PACSIN1: variants seen among roughly 807,000 people sequenced by gnomAD.
PACSIN1 encodes protein kinase C and casein kinase substrate in neurons protein 1.
A neutral mutation model predicts 59.5 loss-of-function variants in PACSIN1; 15 were observed. That is an observed-to-expected ratio of 0.25 (90% CI 0.17 to 0.39). PACSIN1 has a LOEUF of 0.39. PACSIN1 is among the 10% of genes least tolerant of loss of function. The probability of loss-of-function intolerance (pLI) is 1.00; values close to 1 mark genes in which losing one functional copy is unlikely to be tolerated. For synonymous variants in PACSIN1, 210 were observed against 220.6 expected, an observed-to-expected ratio of 0.95 and a Z score of 0.42; for missense variants, 420 against 580.2, an observed-to-expected ratio of 0.72 and a Z score of 2.84.
intron 1 of PACSIN1, among the ~76,000 whole-genome samples, chr6:34,510,168 G>A (rs114332576): frequency 0.034 from 5,141 of 152,342 alleles, 144 homozygotes; most frequent in Non-Finnish European, 0.047. Context: ...AACATTCTTG[G>A]ACGTGCGTTT....
intron 1 of PACSIN1, among the ~76,000 whole-genome samples, chr6:34,502,844 CCA>C (rs1173180059): frequency 7.2e-5 from 11 of 152,276 alleles, no homozygotes; most frequent in African/African-American, 2.6e-4. Flanking sequence ...CCCAGTCAAT[CCA>C]CAGAGTCATC....
chr6:34,524,224 C>CA lies in PACSIN1; in HGVS notation c.-63-2019_-63-2018insA, dbSNP rs1767445974. On this transcript the variant is annotated intron_variant, in intron 1 of 9. Transcript: ENST00000244458. ...CCATTGGGTATTTTGGCCTGACATA[C>CA]CAGGTCTCAGCTGTACTGTCCCTTC... Among the ~76,000 whole-genome samples, 10 of 152,268 alleles carry CA rather than the reference C, an allele frequency of 6.6e-5. No individual in the cohort carries two copies. In the South Asian group the frequency reaches 1.0e-3, roughly 16 times the overall value.
At chr6:34,483,001 CTT>C (rs34111587) in intron 1 of PACSIN1, among the ~76,000 whole-genome samples, 17 of 111,992 alleles carry the variant, frequency 1.5e-4, no homozygotes, top group Non-Finnish European at 1.2e-4. Context: ...CCATGTTTAA[CTT>C]TTTTTTTTTT....
At chr6:34,479,290 C>G (rs1766682812) in intron 1 of PACSIN1, among the ~76,000 whole-genome samples, 1 of 152,188 alleles carries the variant, frequency 6.6e-6, no homozygotes. Context: ...AAAGGACCCC[C>G]TCAGACCTTT....
At chr6:34,467,843 C>T (rs768436727) in intron 1 of PACSIN1, among the ~76,000 whole-genome samples, 22 of 152,290 alleles carry the variant, frequency 1.4e-4, no homozygotes, top group Non-Finnish European at 1.9e-4. Context: ...CAGGCCTGAG[C>T]CATCATGCCC....
chr6:34,491,752 C>G (rs930040412), intron 1 of PACSIN1, among the ~76,000 whole-genome samples: 2 of 151,994 alleles, frequency 1.3e-5, no homozygotes. Flanking sequence ...GCTGGGATTA[C>G]AGGCACCCGC....
At chr6:34,473,301 T>G (rs1766597160) in intron 1 of PACSIN1, among the ~76,000 whole-genome samples, 1 of 150,876 alleles carries the variant, frequency 6.6e-6, no homozygotes, top group Non-Finnish European at 1.5e-5. Context: ...AGTGGTGGTC[T>G]CAGGGGCTGG....
At chr6:34,497,079 G>GC (rs1403581068) in intron 1 of PACSIN1, among the ~76,000 whole-genome samples, 5 of 151,206 alleles carry the variant, frequency 3.3e-5, no homozygotes, top group Non-Finnish European at 5.9e-5. Context: ...CTCCCAAGTA[G>GC]CTGGGAATAC....
intron 1 of PACSIN1, among the ~76,000 whole-genome samples, chr6:34,495,695 C>T (rs1214958809): frequency 5.3e-5 from 8 of 152,176 alleles, no homozygotes; most frequent in Non-Finnish European, 1.5e-5. Context: ...TCAGGTGACC[C>T]GCCCACCTCG....
chr6:34,476,312 C>T (rs2127240886), intron 1 of PACSIN1, among the ~76,000 whole-genome samples: 1 of 152,338 alleles, frequency 6.6e-6, no homozygotes, highest in East Asian at 1.9e-4. Flanking sequence ...GAGGGACTTG[C>T]AGCTCCCAGC....
chr6:34,486,256 C>T (rs1023936442), intron 1 of PACSIN1, among the ~76,000 whole-genome samples: 2 of 151,936 alleles, frequency 1.3e-5, no homozygotes, highest in Non-Finnish European at 2.9e-5. Context: ...CTAGGTGCCT[C>T]CCTTTTTCTC....
chr6:34,528,912 T>TGGGGGGGGGGGGGGG, intron 4 of PACSIN1, 35 bp downstream of exon 4: 2 of 464,326 alleles, frequency 4.3e-6, no homozygotes, highest in East Asian at 5.4e-5. Context: ...CGGGGTGGGG[T>TGGGGGGGGGGGGGGG]GGGCCCGTCT....
At chr6:34,474,739 G>A (rs1766614219) in intron 1 of PACSIN1, among the ~76,000 whole-genome samples, 1 of 137,266 alleles carries the variant, frequency 7.3e-6, no homozygotes, top group South Asian at 2.5e-4. Flanking sequence ...GCAGTGAGCT[G>A]AGATCATACC....
chr6:34,528,907 T>TGGGGGGGGGGCCGGGGGGGGGGG, intron 4 of PACSIN1, 30 bp downstream of exon 4: 3 of 250,426 alleles, frequency 1.2e-5, no homozygotes, highest in Non-Finnish European at 1.6e-5. Flanking sequence ...ACGGGCGGGG[T>TGGGGGGGGGGCCGGGGGGGGGGG]GGGGTGGGCC....
chr6:34,486,324 C>T (rs1420524256), intron 1 of PACSIN1, among the ~76,000 whole-genome samples: 1 of 152,102 alleles, frequency 6.6e-6, no homozygotes, highest in Non-Finnish European at 1.5e-5. Context: ...ATATTTGTCT[C>T]CAATGTGGTT....
rs1204262667 is a variant in PACSIN1, at chr6:34,518,726, G to T, written c.-63-7517G>T. Among the ~76,000 whole-genome samples the T allele has an allele frequency of 6.6e-6, 1 of 152,232 alleles. No homozygotes were observed. The highest frequency in any genetic ancestry group is 1.5e-5 in the Non-Finnish European group (1 of 68,046). On this transcript the variant is annotated intron_variant, in intron 1 of 9. Coordinates refer to ENST00000244458, the MANE Select transcript of PACSIN1 (RefSeq NM_020804.5). The surrounding 1 kb of genome is among the most constrained non-coding windows in gnomAD (Gnocchi z 4.4). Reference sequence around the variant, plus strand: ...GGTATGTAAACGCCACCTTCCAGTGGCTCTCCACCACCCTTTGCCCTGTCC... The same window carrying T: ...GGTATGTAAACGCCACCTTCCAGTGTCTCTCCACCACCCTTTGCCCTGTCC...
At chr6:34,512,529 T>A (rs1767220704) in intron 1 of PACSIN1, among the ~76,000 whole-genome samples, 1 of 152,142 alleles carries the variant, frequency 6.6e-6, no homozygotes, top group Admixed American at 6.5e-5. Context: ...CTAGGAAGCC[T>A]CTGCTCTTGG....
chr6:34,473,235 G>A (rs1470577787), intron 1 of PACSIN1, among the ~76,000 whole-genome samples: 1 of 133,786 alleles, frequency 7.5e-6, no homozygotes. Context: ...GGGGGGCGGG[G>A]GGGTACATTC....
Position 34,516,459 on chromosome 6 carries a change from C to T in PACSIN1, c.-63-9784C>T, listed in dbSNP as rs994009722. On this transcript the variant is annotated intron_variant, in intron 1 of 9. Coordinates refer to ENST00000244458, the MANE Select transcript of PACSIN1 (RefSeq NM_020804.5). This position sits in a 1 kb window ranked among gnomAD's most constrained non-coding sequence, Gnocchi z 5.4. ...TGCCTGCCCCTGCTCCTCCGAACCC[C>T]GCACTCTCCTCCTTCCTGACCAGGG... is the stretch of plus-strand genomic sequence containing the variant. 1.3e-5 allele frequency among the ~76,000 whole-genome samples: 2 copies of T among 152,222 alleles called. No individual in the cohort carries two copies. The highest frequency in any genetic ancestry group is 2.4e-5 in the African/African-American group (1 of 41,448).
Sources: gnomAD v4.1 joint callset for allele counts (sites outside exome capture counted in the v4.1 genomes callset) on GRCh38, gnomAD v4.1.1 for gene constraint, Gnocchi (gnomAD v3.1) non-coding constraint, MANE v1.5 for transcripts, NCBI Gene and HGNC (gene_info 2026-07-23, HGNC 2026-07-21) for gene names.